The following KRTAP10-1 variants were observed in gnomAD, a reference collection of about 807,000 sequenced individuals.
KRTAP10-1 encodes the protein keratin-associated protein 10-1.
For missense variants in KRTAP10-1, 364 were observed against 369.2 expected, an observed-to-expected ratio of 0.99 and a Z score of 0.12; for synonymous variants, 155 against 153.3, an observed-to-expected ratio of 1.01 and a Z score of -0.08.
In KRTAP10-1 at chr21:44,539,695, A is replaced by G. The variant is rs1334203313; in HGVS notation, c.456T>C (p.Tyr152=). ...CVPVCCKPVC[Y]VPTCSEDSSS... ...AGGAATCCTCAGAGCAGGTGGGCAC[A>G]TAGCACACAGGCTTGCAGCAAACAG... Residue 152 remains tyrosine (Y), a synonymous_variant, in exon 1 of 1, where the codon TAT becomes TAC. Coordinates refer to ENST00000400375, the MANE Select transcript of KRTAP10-1 (RefSeq NM_198691.3). 1.3e-6 allele frequency: 2 copies of G among 1,593,158 alleles called. No homozygotes were observed. The highest frequency in any genetic ancestry group is 2.3e-5 in the South Asian group (2 of 88,430).
Position 44,539,399 on chromosome 21 carries a change from C to T in KRTAP10-1, c.752G>A (p.Cys251Tyr), listed in dbSNP as rs782794878. The T allele has an allele frequency of 1.9e-6, 3 of 1,601,790 alleles. No individual in the cohort carries two copies. The highest frequency in any genetic ancestry group is 2.7e-5 in the African/African-American group (2 of 74,640). ...CTGGCAGGAGGAGGCAGGGGCACAGCAGGAGGAGACAGGCATACAGCAGGC... is the reference window on the plus strand; with the variant it reads ...CTGGCAGGAGGAGGCAGGGGCACAGTAGGAGGAGACAGGCATACAGCAGGC... ...RPACCMPVSSCCAPASSCQAS... is the reference protein window; with the variant it reads ...RPACCMPVSSYCAPASSCQAS... The change falls in exon 1 of 1, where the codon TGC (cysteine) becomes TAC (tyrosine). Residue 251 changes from cysteine (C) to tyrosine (Y), a missense_variant. Physicochemically the swap from Cys to Tyr is radical, Grantham distance 194. Coordinates refer to ENST00000400375, the MANE Select transcript of KRTAP10-1 (RefSeq NM_198691.3).
Position 44,540,177 on chromosome 21 carries a change from G to A in KRTAP10-1, c.-27C>T. ...CTGGGGTGGGGAGGAGGTGAGCTGCGGGAGGTGTGAGTGAGTGAGTGTGGG... is the reference window on the plus strand; with the variant it reads ...CTGGGGTGGGGAGGAGGTGAGCTGCAGGAGGTGTGAGTGAGTGAGTGTGGG... On this transcript the variant is annotated 5_prime_UTR_variant, in exon 1 of 1. Transcript: ENST00000400375. The A allele has an allele frequency of 1.2e-6, 2 of 1,604,558 alleles. No homozygotes were observed. The highest frequency in any genetic ancestry group is 1.1e-5 in the South Asian group (1 of 88,744).
Position 44,539,312 on chromosome 21 carries a change from G to A in KRTAP10-1, c.839C>T (p.Pro280Leu), listed in dbSNP as rs233316. 0.66 allele frequency: 1,065,451 copies of A among 1,610,094 alleles called. 354,623 individuals are homozygous for A. Among genetic ancestry groups the A allele is most frequent in the African/African-American group, 0.75 (56,065 of 74,950 alleles). Residue 280 changes from proline to leucine, a missense_variant, in exon 1 of 1, where the codon CCG becomes CTG. By Grantham distance (98) the Pro-to-Leu change is moderately conservative (BLOSUM62 -3). Coordinates refer to ENST00000400375, the MANE Select transcript of KRTAP10-1 (RefSeq NM_198691.3). The part of the protein sequence containing the change: ...SLLCRPACSR[P>L]AC ...GCCTGAGCAGAGGCCTCAGCAGGCC[G>A]GGCGGGAGCACGCGGGGCGGCAGAG... is the stretch of plus-strand genomic sequence containing the variant.
rs782092218 is a variant in KRTAP10-1, at chr21:44,539,935, G to A, written c.216C>T (p.Thr72=). The A allele has an allele frequency of 6.2e-7, 1 of 1,613,814 alleles. No homozygotes were observed. Among genetic ancestry groups the A allele is most frequent in the Non-Finnish European group, 8.5e-7 (1 of 1,179,968 alleles). Residue 72 remains threonine, a synonymous_variant, in exon 1 of 1, where the codon ACC becomes ACT. Coordinates refer to ENST00000400375, the MANE Select transcript of KRTAP10-1 (RefSeq NM_198691.3). ...CEPSPCQSGC[T]SSCTPSCCQQ... is the part of the protein sequence containing the mutation. ...GGCAGCACGAGGGCGTGCAGGAGCT[G>A]GTGCAGCCTGATTGGCAGGGGCTGG...
Position 44,539,971 on chromosome 21 carries a change from T to C in KRTAP10-1, c.180A>G (p.Ala60=), listed in dbSNP as rs377580462. The change falls in exon 1 of 1, where the codon GCA becomes GCG. Residue 60 remains alanine (A), a synonymous_variant. Coordinates refer to ENST00000400375, the MANE Select transcript of KRTAP10-1 (RefSeq NM_198691.3). ...ATTGGCAGGGGCTGGGCTCACAGGC[T>C]GCCTGGCAGCAGGGGCTGGACACAC... ...VSRVSSPCCQ[A]ACEPSPCQSG... 7.6e-5 allele frequency: 122 copies of C among 1,613,080 alleles called. 1 individual carries two copies. In the African/African-American group the frequency reaches 7.9e-4, roughly 10 times the overall value.
Position 44,539,268 on chromosome 21 carries a change from A to G in KRTAP10-1, c.*34T>C, listed in dbSNP as rs2053154929. On this transcript the variant is annotated 3_prime_UTR_variant, in exon 1 of 1. Coordinates refer to ENST00000400375, the MANE Select transcript of KRTAP10-1 (RefSeq NM_198691.3). ...CCCAGCTGGCCCAGGGCGGGTGCCC[A>G]TCAGCAGCTGGACTCCTGGCCTGAG... The G allele has an allele frequency of 6.3e-7, 1 of 1,597,516 alleles. No individual in the cohort carries two copies. Among genetic ancestry groups the G allele is most frequent in the Non-Finnish European group, 8.5e-7 (1 of 1,173,082 alleles).
rs200211565 is a variant in KRTAP10-1 at position 44,539,508 on chromosome 21, T to C, written c.643A>G (p.Ser215Gly). 3.4e-4 allele frequency: 548 copies of C among 1,613,326 alleles called. 2 individuals carry two copies. The highest frequency in any genetic ancestry group is 4.4e-4 in the Non-Finnish European group (515 of 1,179,690). ...GTGGTGCAGCAAGCCGGCTGGCAGC[T>C]AGACTGCTGGCAGCATGAAGTGGAA... ...GASTSCCQQS[S>G]CQPACCTTSC... The change falls in exon 1 of 1, where the codon AGC becomes GGC. Residue 215 changes from serine to glycine, a missense_variant. By Grantham distance (56) the Ser-to-Gly change is moderately conservative. Transcript: ENST00000400375.
rs782063486 is a variant in KRTAP10-1, at chr21:44,539,557, G to C, written c.594C>G (p.Cys198Trp). 22 of 1,613,868 alleles carry C rather than the reference G, an allele frequency of 1.4e-5. No individual in the cohort carries two copies. The highest frequency in any genetic ancestry group is 1.9e-5 in the Non-Finnish European group (22 of 1,179,974). ...AAGCCCCAGAGCAGACGGGCACACA[G>C]CAGATGGGCTTGCAGCAGACAGGCT... ...RCKPVCCKPI[C>W]CVPVCSGAST... is the part of the protein sequence containing the mutation. Residue 198 changes from cysteine to tryptophan, a missense_variant, in exon 1 of 1, where the codon TGC (cysteine) becomes TGG (tryptophan). By Grantham distance (215) the Cys-to-Trp change is radical. Coordinates refer to ENST00000400375, the MANE Select transcript of KRTAP10-1 (RefSeq NM_198691.3).
rs782378371 is a variant in KRTAP10-1, at chr21:44,539,248, C to T, written c.*54G>A. The T allele has an allele frequency of 1.5e-5, 23 of 1,581,354 alleles. No individual in the cohort carries two copies. Among genetic ancestry groups the T allele is most frequent in the South Asian group, 3.5e-5 (3 of 85,212 alleles). On this transcript the variant is annotated 3_prime_UTR_variant, in exon 1 of 1. Transcript: ENST00000400375. Reference sequence around the variant, plus strand: ...AACCCAGGTCAGGAACTGAGCCCAGCTGGCCCAGGGCGGGTGCCCATCAGC... The same window carrying T: ...AACCCAGGTCAGGAACTGAGCCCAGTTGGCCCAGGGCGGGTGCCCATCAGC...
At position 44,539,580 on chromosome 21, in the gene KRTAP10-1, G is replaced by C. The variant is rs1555916870; in HGVS notation, c.571C>G (p.Pro191Ala). 4 of 1,613,614 alleles carry C rather than the reference G, an allele frequency of 2.5e-6. No individual in the cohort carries two copies. The highest frequency in any genetic ancestry group is 3.4e-6 in the Non-Finnish European group (4 of 1,179,872). Reference sequence around the variant, plus strand: ...CAGCAGATGGGCTTGCAGCAGACAGGCTTGCAACGGACGGGCACGCAGCAG... The same window carrying C: ...CAGCAGATGGGCTTGCAGCAGACAGCCTTGCAACGGACGGGCACGCAGCAG... ...QACCVPVRCK[P>A]VCCKPICCVP... Residue 191 changes from proline to alanine, a missense_variant, in exon 1 of 1, where the codon CCT becomes GCT. Physicochemically the swap from Pro to Ala is conservative, Grantham distance 27. Transcript: ENST00000400375.
At position 44,539,252 on chromosome 21, in the gene KRTAP10-1, C is replaced by A. The variant is rs1555916762; in HGVS notation, c.*50G>T. On this transcript the variant is annotated 3_prime_UTR_variant, in exon 1 of 1. Coordinates refer to ENST00000400375, the MANE Select transcript of KRTAP10-1 (RefSeq NM_198691.3). The stretch of plus-strand genomic sequence containing the variant: ...CAGGTCAGGAACTGAGCCCAGCTGG[C>A]CCAGGGCGGGTGCCCATCAGCAGCT... 1 of 1,585,520 alleles carries A rather than the reference C, an allele frequency of 6.3e-7. No homozygotes were observed. Among genetic ancestry groups the A allele is most frequent in the South Asian group, 1.2e-5 (1 of 85,864 alleles).
Position 44,539,535 on chromosome 21 carries a change from C to G in KRTAP10-1, c.616G>C (p.Ala206Pro). The change falls in exon 1 of 1, where the codon GCT becomes CCT. Residue 206 changes from alanine (A) to proline (P), a missense_variant. Physicochemically the swap from Ala to Pro is conservative, Grantham distance 27. Coordinates refer to ENST00000400375, the MANE Select transcript of KRTAP10-1 (RefSeq NM_198691.3). The part of the protein sequence containing the change: ...PICCVPVCSG[A>P]STSCCQQSSC... ...GACTGCTGGCAGCATGAAGTGGAAGCCCCAGAGCAGACGGGCACACAGCAG... is the reference window on the plus strand; with the variant it reads ...GACTGCTGGCAGCATGAAGTGGAAGGCCCAGAGCAGACGGGCACACAGCAG... The G allele has an allele frequency of 6.2e-7, 1 of 1,612,570 alleles. No individual in the cohort carries two copies. The highest frequency in any genetic ancestry group is 8.5e-7 in the Non-Finnish European group (1 of 1,179,516).
At position 44,539,724 on chromosome 21, in the gene KRTAP10-1, C is replaced by A. The variant is rs1555916905; in HGVS notation, c.427G>T (p.Val143Leu). Residue 143 changes from valine to leucine, a missense_variant, in exon 1 of 1, where the codon GTG (valine) becomes TTG (leucine). Coordinates refer to ENST00000400375, the MANE Select transcript of KRTAP10-1 (RefSeq NM_198691.3). ...ASSSSQQSCCVPVCCKPVCYV... is the reference protein window; with the variant it reads ...ASSSSQQSCCLPVCCKPVCYV... ...CACACAGGCTTGCAGCAAACAGGCA[C>A]ACAGCAGGACTGCTGGCTGGAGGAA... 6.2e-7 allele frequency: 1 copy of A among 1,609,294 alleles called. No homozygotes were observed.
chr21:44,539,758 G>T lies in KRTAP10-1; in HGVS notation c.393C>A (p.Cys131Ter). 1.2e-6 allele frequency: 2 copies of T among 1,612,686 alleles called. No individual in the cohort carries two copies. The highest frequency in any genetic ancestry group is 2.2e-5 in the South Asian group (2 of 90,886). Reference sequence around the variant, plus strand: ...ACTGCTGGCTGGAGGAAGAGGCACAGCAAGTTGGCTGGCAGCTAGACTGCT... The same window carrying T: ...ACTGCTGGCTGGAGGAAGAGGCACATCAAGTTGGCTGGCAGCTAGACTGCT... ...CCQQSSCQPT[C>*]CASSSSQQSC... The change falls in exon 1 of 1, where the codon TGC (cysteine) becomes TGA (stop). Residue 131 changes from cysteine (C) to a stop codon, truncating the protein, a stop_gained. Coordinates refer to ENST00000400375, the MANE Select transcript of KRTAP10-1 (RefSeq NM_198691.3). LOFTEE classifies it low-confidence loss of function (END_TRUNC).
chr21:44,539,377 G>A lies in KRTAP10-1; in HGVS notation c.774C>T (p.Cys258=). The A allele has an allele frequency of 2.5e-6, 4 of 1,612,886 alleles. No individual in the cohort carries two copies. The highest frequency in any genetic ancestry group is 3.4e-6 in the Non-Finnish European group (4 of 1,179,478). ...VSSCCAPASS[C]QASCCRPASC... is the part of the protein sequence containing the mutation. ...AGGCCGGGCGGCAGCAGCTGGCCTG[G>A]CAGGAGGAGGCAGGGGCACAGCAGG... is the stretch of plus-strand genomic sequence containing the variant. The change falls in exon 1 of 1, where the codon TGC becomes TGT. Residue 258 remains cysteine, a synonymous_variant. Coordinates refer to ENST00000400375, the MANE Select transcript of KRTAP10-1 (RefSeq NM_198691.3).
rs2145999797 is a variant in KRTAP10-1, at chr21:44,539,042, G to GCC, written c.*258_*259dup. 1.7e-6 allele frequency: 1 copy of GCC among 596,658 alleles called. No individual in the cohort carries two copies. The highest frequency in any genetic ancestry group is 2.9e-6 in the Non-Finnish European group (1 of 341,962). The allele number at this position is 596,658 out of a possible 1,614,324, so 37.0% of individuals were successfully genotyped here. ...GAGGTGCTGAGAGGTTCAAGTCGAG[G>GCC]CCAAGTGACCCAGAGCAGAGAAGCT... On this transcript the variant is annotated 3_prime_UTR_variant, in exon 1 of 1. Coordinates refer to ENST00000400375, the MANE Select transcript of KRTAP10-1 (RefSeq NM_198691.3).
chr21:44,539,213 G>T lies in KRTAP10-1; in HGVS notation c.*89C>A. The stretch of plus-strand genomic sequence containing the variant: ...ACACGGGGACCCGTCCTAGGTGGGG[G>T]AAGCCACCTAACCCAGGTCAGGAAC... On this transcript the variant is annotated 3_prime_UTR_variant, in exon 1 of 1. Coordinates refer to ENST00000400375, the MANE Select transcript of KRTAP10-1 (RefSeq NM_198691.3). 1 of 1,539,614 alleles carries T rather than the reference G, an allele frequency of 6.5e-7. No homozygotes were observed. Among genetic ancestry groups the T allele is most frequent in the Non-Finnish European group, 8.7e-7 (1 of 1,148,832 alleles).
In KRTAP10-1 at chr21:44,539,116, G is replaced by T. The variant is rs1555916736; in HGVS notation, c.*186C>A. 1.8e-5 allele frequency: 19 copies of T among 1,068,130 alleles called. No individual in the cohort carries two copies. Among genetic ancestry groups the T allele is most frequent in the Non-Finnish European group, 6.5e-6 (5 of 765,666 alleles). The allele number at this position is 1,068,130 out of a possible 1,614,324, so 66.2% of individuals were successfully genotyped here. On this transcript the variant is annotated 3_prime_UTR_variant, in exon 1 of 1. Coordinates refer to ENST00000400375, the MANE Select transcript of KRTAP10-1 (RefSeq NM_198691.3). ...CAGGCAGGTGGGCACCTGCTGGAAG[G>T]CAAGAGCTGGGGAGCTGCAAGGATG...
In KRTAP10-1 at chr21:44,539,135, A is replaced by G. The variant is rs1194923599; in HGVS notation, c.*167T>C. On this transcript the variant is annotated 3_prime_UTR_variant, in exon 1 of 1. Transcript: ENST00000400375. The stretch of plus-strand genomic sequence containing the variant: ...TGGAAGGCAAGAGCTGGGGAGCTGC[A>G]AGGATGGAGGCTCCTGGGAGCAAGG... The G allele has an allele frequency of 2.6e-5, 32 of 1,231,018 alleles. No homozygotes were observed. Among genetic ancestry groups the G allele is most frequent in the Middle Eastern group, 2.8e-4 (1 of 3,556 alleles). 76.3% of individuals were successfully genotyped at this position (1,231,018 alleles called of 1,614,324 possible). A position where few individuals can be genotyped will look rare whatever the true frequency, so the allele number is the denominator to read the frequency against.
Sources: allele counts gnomAD v4.1 joint callset, GRCh38; gene constraint gnomAD v4.1.1; transcripts MANE v1.5; gene names NCBI Gene and HGNC (gene_info 2026-07-23, HGNC 2026-07-21).